Variants in FRMD4A observed in about 807,000 individuals in gnomAD.
FRMD4A encodes the protein FERM domain containing 4A, also known as FERM domain-containing protein 4A.
FRMD4A carries 29 observed loss-of-function variants against 129.1 expected under a neutral mutation model. The ratio of observed to expected loss-of-function variants is 0.22; its 90% CI spans 0.17 to 0.31. FRMD4A has a LOEUF of 0.31. Among genes scored for constraint, FRMD4A ranks in the 10% least tolerant of loss-of-function variants. FRMD4A has a pLI of 1.00. For missense variants in FRMD4A, 1,272 were observed against 1,375.8 expected, an observed-to-expected ratio of 0.92 and a Z score of 1.19; for synonymous variants, 634 against 571.6, an observed-to-expected ratio of 1.11 and a Z score of -1.56.
chr10:13,726,391 G>T (rs940641337), intron 12 of FRMD4A, among the ~76,000 whole-genome samples: 2 of 152,196 alleles, frequency 1.3e-5, no homozygotes, highest in South Asian at 2.1e-4. Context: ...TTTTTGTTTA[G>T]AAGTGTAACT....
intron 4 of FRMD4A, among the ~76,000 whole-genome samples, chr10:13,809,965 A>C (rs1588850194): frequency 6.6e-6 from 1 of 152,236 alleles, no homozygotes; most frequent in African/African-American, 2.4e-5. Context: ...CAGTGGCACC[A>C]CCTGATTCCC....
chr10:14,203,227 T>C (rs1842689852), intron 2 of FRMD4A, among the ~76,000 whole-genome samples: 2 of 152,228 alleles, frequency 1.3e-5, no homozygotes, highest in African/African-American at 2.4e-5. Context: ...GCAGCATATA[T>C]AGATTTTTTA....
chr10:13,975,463 T>G (rs1208814868), intron 2 of FRMD4A, among the ~76,000 whole-genome samples: 2 of 151,920 alleles, frequency 1.3e-5, no homozygotes, highest in Non-Finnish European at 2.9e-5. Flanking sequence ...TGTCTGTTTG[T>G]CTATTATGTG....
At chr10:13,968,592 A>T (rs2095499238) in intron 2 of FRMD4A, among the ~76,000 whole-genome samples, 1 of 152,192 alleles carries the variant, frequency 6.6e-6, no homozygotes, top group Non-Finnish European at 1.5e-5. Context: ...ACCTGGGATT[A>T]CAAGCATGTG....
At chr10:13,680,450 G>A (rs557657627) in intron 15 of FRMD4A, among the ~76,000 whole-genome samples, 1 of 152,228 alleles carries the variant, frequency 6.6e-6, no homozygotes, top group Non-Finnish European at 1.5e-5. Flanking sequence ...AAAAAGGGCT[G>A]GGTGTCGTGG....
chr10:13,662,324 T>C (rs1350205050), intron 19 of FRMD4A, among the ~76,000 whole-genome samples: 1 of 152,168 alleles, frequency 6.6e-6, no homozygotes, highest in Non-Finnish European at 1.5e-5. Flanking sequence ...CGCCAGACTT[T>C]CCTCACATCA....
intron 2 of FRMD4A, among the ~76,000 whole-genome samples, chr10:14,139,159 G>A (rs1250911860): frequency 6.6e-6 from 1 of 152,226 alleles, no homozygotes; most frequent in African/African-American, 2.4e-5. Flanking sequence ...GAAGAAATGT[G>A]CATGGGGAAT....
chr10:13,845,624 G>A (rs754059287), intron 3 of FRMD4A, among the ~76,000 whole-genome samples: 2 of 152,120 alleles, frequency 1.3e-5, no homozygotes, highest in Non-Finnish European at 2.9e-5. Context: ...CAGTCTGGCC[G>A]AGGCCTCTGA....
At chr10:13,660,006 C>G (rs2082507474) in intron 20 of FRMD4A, among the ~76,000 whole-genome samples, 1 of 152,228 alleles carries the variant, frequency 6.6e-6, no homozygotes, top group Non-Finnish European at 1.5e-5. Flanking sequence ...AGTGGACTTT[C>G]ACTTGCTATT....
chr10:13,757,710 C>G (rs1179384150), intron 8 of FRMD4A, among the ~76,000 whole-genome samples: 1 of 152,146 alleles, frequency 6.6e-6, no homozygotes, highest in Non-Finnish European at 1.5e-5. Context: ...TTATATAGTT[C>G]TCTTTCCATT....
At chr10:13,736,906 AAAACAGAGAAAATTC>A (rs936271825) in intron 12 of FRMD4A, among the ~76,000 whole-genome samples, 489 of 148,738 alleles carry the variant, frequency 3.3e-3, no homozygotes, top group African/African-American at 0.011. Context: ...TTTGTAAATG[AAAACAGAGAAAATTC>A]AAACGTTGTA....
intron 2 of FRMD4A, among the ~76,000 whole-genome samples, chr10:14,119,373 G>C (rs572731428): frequency 1.3e-5 from 2 of 152,150 alleles, no homozygotes. Context: ...GGAATGGTGG[G>C]GCCAAACCCC....
chr10:13,700,187 A>G lies in FRMD4A; in HGVS notation c.975+1153T>C, dbSNP rs568650726. 2.6e-5 allele frequency among the ~76,000 whole-genome samples: 4 copies of G among 151,134 alleles called. 1 individual carries two copies. The South Asian group carries it at 8.4e-4, about 32-fold the overall frequency. ...GGTCTGGAATTCCTGAGCTCAAGTG[A>G]TCCTCCTGCCTTGGCCTCCCGAAGC... On this transcript the variant is annotated intron_variant, in intron 14 of 24. Coordinates refer to ENST00000357447, the MANE Select transcript of FRMD4A (RefSeq NM_018027.5).
chr10:14,134,397 GTGGA>G (rs962328105), intron 2 of FRMD4A, among the ~76,000 whole-genome samples: 1 of 151,186 alleles, frequency 6.6e-6, no homozygotes, highest in African/African-American at 2.4e-5. Context: ...GGGTGAATGG[GTGGA>G]TGGATGGATG....
intron 6 of FRMD4A, among the ~76,000 whole-genome samples, chr10:13,781,287 G>C (rs1215871061): frequency 2.7e-5 from 3 of 111,494 alleles, no homozygotes; most frequent in East Asian, 3.3e-4. Flanking sequence ...CTGGGCGAGA[G>C]AGACCCTGTC....
chr10:14,134,558 G>A (rs148126065), intron 2 of FRMD4A, among the ~76,000 whole-genome samples: 2 of 151,920 alleles, frequency 1.3e-5, no homozygotes, highest in East Asian at 3.9e-4. Flanking sequence ...TGAAAAAAAT[G>A]GGTGGATGGA....
chr10:14,229,268 C>G (rs1843556516), intron 2 of FRMD4A, among the ~76,000 whole-genome samples: 1 of 152,000 alleles, frequency 6.6e-6, no homozygotes, highest in Non-Finnish European at 1.5e-5. Context: ...TAAAATAAAG[C>G]ATTGACCACA....
At chr10:14,281,165 T>G (rs958401981) in intron 2 of FRMD4A, among the ~76,000 whole-genome samples, 1 of 151,780 alleles carries the variant, frequency 6.6e-6, no homozygotes, top group African/African-American at 2.4e-5. Context: ...GCTAATTTTG[T>G]ATTTTTAGTA....
At chr10:13,987,999 C>G (rs1242127716) in intron 2 of FRMD4A, among the ~76,000 whole-genome samples, 1 of 152,072 alleles carries the variant, frequency 6.6e-6, no homozygotes, top group Non-Finnish European at 1.5e-5. Flanking sequence ...AGAGGGGACT[C>G]TCAATTTAAC....
Sources: allele counts gnomAD v4.1 joint callset (sites outside exome capture counted in the v4.1 genomes callset), GRCh38; gene constraint gnomAD v4.1.1; transcripts MANE v1.5; gene names NCBI Gene and HGNC (gene_info 2026-07-23, HGNC 2026-07-21).